ARHGAP21: variants seen among roughly 807,000 people sequenced by gnomAD.
ARHGAP21 encodes the protein rho GTPase-activating protein 21.
Under a neutral mutation model 164.6 loss-of-function variants are expected in ARHGAP21, and 38 were observed. The observed-to-expected ratio is 0.23, with a 90% CI of 0.18 to 0.30. ARHGAP21 has a LOEUF of 0.30. Ranked by LOEUF, ARHGAP21 falls within the 10% of genes least tolerant of loss-of-function variation. The pLI is 1.00. For missense variants in ARHGAP21, 1,822 were observed against 2,370.7 expected, an observed-to-expected ratio of 0.77 and a Z score of 4.81; for synonymous variants, 766 against 857.9, an observed-to-expected ratio of 0.89 and a Z score of 1.87.
intron 4 of ARHGAP21, among the ~76,000 whole-genome samples, chr10:24,651,152 A>AAG (rs1838123552): frequency 6.6e-6 from 1 of 152,172 alleles, no homozygotes; most frequent in African/African-American, 2.4e-5. Flanking sequence ...CGAGGGGAAG[A>AAG]CTGTGACTGA....
At chr10:24,656,077 G>C (rs1225255968) in intron 4 of ARHGAP21, among the ~76,000 whole-genome samples, 1 of 148,940 alleles carries the variant, frequency 6.7e-6, no homozygotes, top group African/African-American at 2.5e-5. Flanking sequence ...CGTCTAAGAA[G>C]TGAGGAGCCT....
chr10:24,657,702 A>G (rs1447803780), intron 4 of ARHGAP21, among the ~76,000 whole-genome samples: 2 of 68,262 alleles, frequency 2.9e-5, no homozygotes, highest in Admixed American at 2.7e-4. Flanking sequence ...TTTGTTCTAC[A>G]CTAAGAAAAA....
chr10:24,662,961 C>T (rs1342380256), intron 4 of ARHGAP21, among the ~76,000 whole-genome samples: 4 of 85,286 alleles, frequency 4.7e-5, no homozygotes, highest in South Asian at 4.6e-4. Context: ...TGCAGATATG[C>T]GGATTTTTTT....
At chr10:24,592,199 G>A (rs528954452) in intron 21 of ARHGAP21, among the ~76,000 whole-genome samples, 187 bp from the exon 22 acceptor site, 3 of 114,610 alleles carry the variant, frequency 2.6e-5, no homozygotes, top group Non-Finnish European at 1.6e-5. Flanking sequence ...AGGGTCTCAC[G>A]TTCACCCAGG....
At chr10:24,661,566 G>C (rs1410196066) in intron 4 of ARHGAP21, among the ~76,000 whole-genome samples, 2 of 152,172 alleles carry the variant, frequency 1.3e-5, no homozygotes, top group Non-Finnish European at 2.9e-5. Context: ...TCTCTTAGGA[G>C]TTTGAATAAA....
chr10:24,617,831 T>C (rs1041395655), intron 9 of ARHGAP21, among the ~76,000 whole-genome samples: 5 of 117,026 alleles, frequency 4.3e-5, no homozygotes, highest in South Asian at 2.8e-4. Flanking sequence ...AAGCATATTA[T>C]ATTGTAAAAT....
chr10:24,637,640 T>C (rs1836514885), intron 4 of ARHGAP21, among the ~76,000 whole-genome samples: 1 of 152,220 alleles, frequency 6.6e-6, no homozygotes, highest in Non-Finnish European at 1.5e-5. Context: ...AAAATTTCAC[T>C]TACACAGAAC....
intron 4 of ARHGAP21, among the ~76,000 whole-genome samples, chr10:24,648,606 C>G (rs1056932764): frequency 1.3e-5 from 2 of 152,032 alleles, no homozygotes; most frequent in African/African-American, 4.8e-5. Flanking sequence ...ACGGTGAAAC[C>G]CTGTCTCTAC....
Position 24,584,909 on chromosome 10 carries a change from TAGC to T in ARHGAP21, c.5377_5379del (p.Ala1793del), listed in dbSNP as rs1319679631. The T allele has an allele frequency of 6.2e-7, 1 of 1,613,804 alleles. No homozygotes were observed. On this transcript the variant is annotated inframe_deletion, in exon 26 of 26. Transcript: ENST00000396432. ...TGTCTGCGCCGGATGCTTTTCCTTT[TAGC>T]AGTCTCGGCATTCACTTTGTGATTC... is the stretch of plus-strand genomic sequence containing the variant.
intron 2 of ARHGAP21, among the ~76,000 whole-genome samples, chr10:24,690,216 T>C (rs1040508237): frequency 2.0e-5 from 3 of 152,172 alleles, no homozygotes; most frequent in Non-Finnish European, 2.9e-5. Context: ...CCAGTGTCTA[T>C]GAAAAACCAT....
chr10:24,715,416 A>G (rs989794267), intron 2 of ARHGAP21, among the ~76,000 whole-genome samples: 4 of 152,260 alleles, frequency 2.6e-5, no homozygotes, highest in Non-Finnish European at 5.9e-5. Context: ...GAAATAAAAC[A>G]TCATCCATAC....
intron 2 of ARHGAP21, among the ~76,000 whole-genome samples, chr10:24,696,415 C>T (rs929262149): frequency 1.3e-5 from 2 of 152,318 alleles, no homozygotes; most frequent in African/African-American, 4.8e-5. Context: ...TCAAAACTCA[C>T]ACAGGACGAA....
intron 17 of ARHGAP21, 104 bp downstream of exon 17, chr10:24,596,636 C>A: frequency 1.3e-6 from 2 of 1,504,010 alleles, no homozygotes; most frequent in Admixed American, 2.2e-5. Flanking sequence ...AAAAGGAAAA[C>A]AGATTGACAG....
chr10:24,699,388 G>A (rs112506861), intron 2 of ARHGAP21, among the ~76,000 whole-genome samples: 1,959 of 151,668 alleles, frequency 0.013, 35 homozygotes, highest in African/African-American at 0.038. Flanking sequence ...GCAATGGTGC[G>A]ACCTTGGCTC....
In ARHGAP21 at chr10:24,607,479, A is replaced by C; in HGVS notation, c.2684+20T>G. 1 of 1,601,458 alleles carries C rather than the reference A, an allele frequency of 6.2e-7. No homozygotes were observed. Among genetic ancestry groups the C allele is most frequent in the South Asian group, 1.1e-5 (1 of 90,670 alleles). ...ACCCACCCACATACAAATATTTAAA[A>C]TAATACACCCGAGACTTACAATTTT... On this transcript the variant is annotated intron_variant, in intron 11 of 25. Coordinates refer to ENST00000396432, the MANE Select transcript of ARHGAP21 (RefSeq NM_020824.4).
Position 24,633,492 on chromosome 10 carries a change from A to T in ARHGAP21, c.362-12T>A. On this transcript the variant is annotated splice_polypyrimidine_tract_variant and intron_variant, in intron 5 of 25. Coordinates refer to ENST00000396432, the MANE Select transcript of ARHGAP21 (RefSeq NM_020824.4). Reference sequence around the variant, plus strand: ...TATAATTCGGTCACCTTCAAAGAGAAGTTAAAAAACAAATGAGAGATCCTG... The same window carrying T: ...TATAATTCGGTCACCTTCAAAGAGATGTTAAAAAACAAATGAGAGATCCTG... 1.3e-6 allele frequency: 2 copies of T among 1,594,356 alleles called. No individual in the cohort carries two copies. The highest frequency in any genetic ancestry group is 1.7e-6 in the Non-Finnish European group (2 of 1,166,390).
At chr10:24,722,835 T>C (rs987884416) in intron 1 of ARHGAP21, 1 of 150,400 alleles carries the variant, frequency 6.6e-6, no homozygotes, top group Non-Finnish European at 1.5e-5. Flanking sequence ...CGGGGCTGGG[T>C]GGGGACGGCC....
intron 24 of ARHGAP21, chr10:24,590,656 C>T (rs1306232639): frequency 1.5e-6 from 2 of 1,359,186 alleles, no homozygotes; most frequent in African/African-American, 2.9e-5. Context: ...TAATACTTAA[C>T]CAAGCATTAG....
intron 2 of ARHGAP21, among the ~76,000 whole-genome samples, chr10:24,718,266 G>A (rs1593395755): frequency 1.3e-5 from 2 of 152,304 alleles, no homozygotes; most frequent in Non-Finnish European, 1.5e-5. Context: ...GAGAGTCAGC[G>A]GTAGCGGTGA....
Sources: allele counts gnomAD v4.1 joint callset (sites outside exome capture counted in the v4.1 genomes callset), GRCh38; gene constraint gnomAD v4.1.1; transcripts MANE v1.5; gene names NCBI Gene and HGNC (gene_info 2026-07-23, HGNC 2026-07-21).